OGFOD3: variants seen among roughly 807,000 people sequenced by gnomAD.
OGFOD3 encodes 2-oxoglutarate and iron dependent oxygenase domain containing 3.
In OGFOD3, 35 loss-of-function variants were observed where a neutral mutation model predicts 39.8. That is an observed-to-expected ratio of 0.88 (90% CI 0.67 to 1.17). The LOEUF is 1.17. Among genes scored for constraint, OGFOD3 ranks in the 50% most tolerant of loss-of-function variants. The pLI is 0.00. For missense variants in OGFOD3, 438 were observed against 454.5 expected, an observed-to-expected ratio of 0.96 and a Z score of 0.33; for synonymous variants, 200 against 192.0, an observed-to-expected ratio of 1.04 and a Z score of -0.34.
chr17:82,411,456 T>A lies in OGFOD3; in HGVS notation c.379A>T (p.Ser127Cys). 1 of 1,613,900 alleles carries A rather than the reference T, an allele frequency of 6.2e-7. No individual in the cohort carries two copies. Among genetic ancestry groups the A allele is most frequent in the Non-Finnish European group, 8.5e-7 (1 of 1,179,800 alleles). Residue 127 changes from serine to cysteine, a missense_variant and splice_region_variant, in exon 3 of 9, where the codon AGC becomes TGC. By Grantham distance (112) the Ser-to-Cys change is moderately radical (BLOSUM62 -1). Coordinates refer to ENST00000313056, the MANE Select transcript of OGFOD3 (RefSeq NM_024648.3). ...ITREEAERIR[S>C]VAEKGLSLGG... Reference sequence around the variant, plus strand: ...CCGTGCTCAGGGACAGGCGGTTACCTGCGAATCCGCTCCGCTTCCTCCCTG... The same window carrying A: ...CCGTGCTCAGGGACAGGCGGTTACCAGCGAATCCGCTCCGCTTCCTCCCTG...
intron 8 of OGFOD3, among the ~76,000 whole-genome samples, chr17:82,395,387 T>C (rs944597221): frequency 1.3e-5 from 2 of 152,184 alleles, no homozygotes; most frequent in African/African-American, 2.4e-5. Context: ...GCCAAGGGTA[T>C]AATGGCTTTG....
At chr17:82,403,816 C>A (rs2052805099) in intron 7 of OGFOD3, 121 bp downstream of exon 7, 2 of 1,383,422 alleles carry the variant, frequency 1.4e-6, no homozygotes, top group Non-Finnish European at 9.9e-7. Flanking sequence ...CTCACCCTGC[C>A]CACGGGCACG....
chr17:82,393,095 G>A (rs1039126377), intron 8 of OGFOD3: 2 of 152,976 alleles, frequency 1.3e-5, no homozygotes, highest in Non-Finnish European at 2.9e-5. Flanking sequence ...GGCCTGAGAG[G>A]TCCTGGAGGC....
At position 82,415,768 on chromosome 17, in the gene OGFOD3, A is replaced by G; in HGVS notation, c.75-141T>C. 1.4e-6 allele frequency: 1 copy of G among 690,316 alleles called. No individual in the cohort carries two copies. The highest frequency in any genetic ancestry group is 2.4e-6 in the Non-Finnish European group (1 of 418,568). 42.8% of individuals were successfully genotyped at this position (690,316 alleles called of 1,614,324 possible). ...AAACGAGGGCTTCCTGCCTGGGGCCAGCGCTGTCCACTCAGGAAACACGGA... is the reference window on the plus strand; with the variant it reads ...AAACGAGGGCTTCCTGCCTGGGGCCGGCGCTGTCCACTCAGGAAACACGGA... On this transcript the variant is annotated intron_variant, in intron 1 of 8. Coordinates refer to ENST00000313056, the MANE Select transcript of OGFOD3 (RefSeq NM_024648.3). The surrounding 1 kb of genome is among the most constrained non-coding windows in gnomAD (Gnocchi z 5.3).
intron 1 of OGFOD3, 52 bp downstream of exon 1, chr17:82,418,360 C>G (rs2053121737): frequency 1.6e-6 from 2 of 1,275,786 alleles, no homozygotes; most frequent in African/African-American, 1.6e-5. Context: ...CCCGCCCACT[C>G]CATGGCCCTG....
intron 2 of OGFOD3, 50 bp from the exon 3 acceptor site, chr17:82,411,580 A>G: frequency 6.6e-7 from 1 of 1,507,170 alleles, no homozygotes; most frequent in Admixed American, 1.7e-5. Context: ...CCACCGGCGC[A>G]TGCCCTTCCA....
chr17:82,401,632 C>T (rs527809254), intron 7 of OGFOD3, among the ~76,000 whole-genome samples: 18 of 150,212 alleles, frequency 1.2e-4, no homozygotes, highest in African/African-American at 3.9e-4. Flanking sequence ...GGTGAAACCC[C>T]GTCTCTACTA....
Position 82,404,147 on chromosome 17 carries a change from G to A in OGFOD3, c.546-57C>T. ...CCCAGGCGGGAGGGGACGCTCGTGG[G>A]TCCCAACCCGTGGGTGGCAGGAAAG... On this transcript the variant is annotated intron_variant, in intron 6 of 8. Coordinates refer to ENST00000313056, the MANE Select transcript of OGFOD3 (RefSeq NM_024648.3). This position sits in a 1 kb window ranked among gnomAD's most constrained non-coding sequence, Gnocchi z 4.5. The A allele has an allele frequency of 2.0e-6, 3 of 1,486,900 alleles. No homozygotes were observed. The highest frequency in any genetic ancestry group is 2.7e-5 in the South Asian group (2 of 73,996). The allele number at this position is 1,486,900 out of a possible 1,614,324, so 92.1% of individuals were successfully genotyped here. A position where few individuals can be genotyped will look rare whatever the true frequency, so the allele number is the denominator to read the frequency against.
At chr17:82,413,808 G>A (rs1217670229) in intron 2 of OGFOD3, among the ~76,000 whole-genome samples, 15 of 151,090 alleles carry the variant, frequency 9.9e-5, no homozygotes, top group Middle Eastern at 3.4e-3. Flanking sequence ...GAGGCCTGGC[G>A]GAGGTTGCAG....
rs11653167 is a variant in OGFOD3, at chr17:82,396,218, G to A, written c.823+1978C>T. Among the ~76,000 whole-genome samples the A allele has an allele frequency of 9.5e-4, 123 of 129,754 alleles. 1 individual carries two copies. Among genetic ancestry groups the A allele is most frequent in the African/African-American group, 3.3e-3 (108 of 33,208 alleles). 85.1% of individuals were successfully genotyped at this position (129,754 alleles called of 152,430 possible). A position where few individuals can be genotyped will look rare whatever the true frequency, so the allele number is the denominator to read the frequency against. On this transcript the variant is annotated intron_variant, in intron 8 of 8. Coordinates refer to ENST00000313056, the MANE Select transcript of OGFOD3 (RefSeq NM_024648.3). The stretch of plus-strand genomic sequence containing the variant: ...TTAGACAGATGTACGACATCAAATC[G>A]CAGGTAAACACATAGATACACACAA...
At chr17:82,402,440 AAAAG>A (rs545909421) in intron 7 of OGFOD3, among the ~76,000 whole-genome samples, 20 of 151,230 alleles carry the variant, frequency 1.3e-4, no homozygotes, top group South Asian at 4.2e-4. Flanking sequence ...CTCAAAAAAA[AAAAG>A]AAAGAAAGAA....
chr17:82,406,429 C>T lies in OGFOD3; in HGVS notation c.477G>A (p.Val159=). ...GCTGCAGCACTCACCTGTACAGGTT[C>T]ACAAAGTGCTTCCCGACAGACAGGG... The part of the protein sequence containing the change: ...SGALSVGKHF[V]NLYRYFGDKI... The change falls in exon 5 of 9, where the codon GTG becomes GTA. Residue 159 remains valine (V), a synonymous_variant. Coordinates refer to ENST00000313056, the MANE Select transcript of OGFOD3 (RefSeq NM_024648.3). The surrounding 1 kb of genome is among the most constrained non-coding windows in gnomAD (Gnocchi z 5.2). The T allele has an allele frequency of 6.2e-7, 1 of 1,614,094 alleles. No homozygotes were observed. The highest frequency in any genetic ancestry group is 1.1e-5 in the South Asian group (1 of 91,080).
At position 82,415,702 on chromosome 17, in the gene OGFOD3, G is replaced by A; in HGVS notation, c.75-75C>T. 1.5e-6 allele frequency: 2 copies of A among 1,309,906 alleles called. No individual in the cohort carries two copies. The highest frequency in any genetic ancestry group is 2.1e-6 in the Non-Finnish European group (2 of 952,092). The allele number at this position is 1,309,906 out of a possible 1,614,324, so 81.1% of individuals were successfully genotyped here. Reference sequence around the variant, plus strand: ...GAAAACGCTCCCCGATCATCAAAGTGCATGCACCATGACCCGGCCTTCACT... The same window carrying A: ...GAAAACGCTCCCCGATCATCAAAGTACATGCACCATGACCCGGCCTTCACT... On this transcript the variant is annotated intron_variant, in intron 1 of 8. Transcript: ENST00000313056. The surrounding 1 kb of genome is among the most constrained non-coding windows in gnomAD (Gnocchi z 5.3).
At position 82,394,470 on chromosome 17, in the gene OGFOD3, A is replaced by T. The variant is rs556995033; in HGVS notation, c.824-1936T>A. 3.0e-5 allele frequency: 49 copies of T among 1,613,950 alleles called. No individual in the cohort carries two copies. The African/African-American group carries it at 5.7e-4, about 19-fold the overall frequency. ...GAGGACACCTGACTCCAGCCTTCGC[A>T]CCAGCAGCTTCACTGGCTCTCGGTC... On this transcript the variant is annotated intron_variant, in intron 8 of 8. Transcript: ENST00000313056.
At chr17:82,412,669 G>T (rs1237324436) in intron 2 of OGFOD3, among the ~76,000 whole-genome samples, 2 of 152,080 alleles carry the variant, frequency 1.3e-5, no homozygotes, top group Non-Finnish European at 2.9e-5. Context: ...TCGCACAGAT[G>T]CACAAGGTAC....
intron 6 of OGFOD3, 102 bp downstream of exon 6, chr17:82,405,222 T>TGGGCCTCTCCGTG (rs2052836185): frequency 4.0e-6 from 4 of 1,002,368 alleles, no homozygotes; most frequent in Admixed American, 3.8e-5. Context: ...CCCTGGCCCC[T>TGGGCCTCTCCGTG]GGGCCTCTCC....
In OGFOD3 at chr17:82,409,454, T is replaced by TA. The variant is rs1423001413; in HGVS notation, c.381-45dup. The TA allele has an allele frequency of 3.8e-6, 6 of 1,580,506 alleles. No homozygotes were observed. The South Asian group carries it at 6.6e-5, about 17-fold the overall frequency. On this transcript the variant is annotated intron_variant, in intron 3 of 8. Coordinates refer to ENST00000313056, the MANE Select transcript of OGFOD3 (RefSeq NM_024648.3). The stretch of plus-strand genomic sequence containing the variant: ...TCAGAATTTCGTTGCTAGAATTGTC[T>TA]ATAATGTATAATCTAGGCAAACGTC...
intron 2 of OGFOD3, among the ~76,000 whole-genome samples, chr17:82,412,657 C>T (rs1599703845): frequency 6.6e-6 from 1 of 152,036 alleles, no homozygotes; most frequent in South Asian, 2.1e-4. Flanking sequence ...GTCGAGGCAG[C>T]ATCGCACAGA....
Position 82,389,499 on chromosome 17 carries a change from G to A in OGFOD3, c.*2899C>T, listed in dbSNP as rs2052577482. ...CCTTTTTATTTTTTTAAAATGCCCA[G>A]GCTTCAATGATAAATTTTTTTTTGA... On this transcript the variant is annotated 3_prime_UTR_variant, in exon 9 of 9. Transcript: ENST00000313056. The surrounding 1 kb of genome is among the most constrained non-coding windows in gnomAD (Gnocchi z 4.6). The A allele has an allele frequency of 1.3e-5, 2 of 152,100 alleles. No homozygotes were observed. Among genetic ancestry groups the A allele is most frequent in the South Asian group, 4.1e-4 (2 of 4,828 alleles). 9.4% of individuals were successfully genotyped at this position (152,100 alleles called of 1,614,324 possible). A position where few individuals can be genotyped will look rare whatever the true frequency, so the allele number is the denominator to read the frequency against.
Sources: gnomAD v4.1 joint callset for allele counts (sites outside exome capture counted in the v4.1 genomes callset) on GRCh38, gnomAD v4.1.1 for gene constraint, Gnocchi (gnomAD v3.1) non-coding constraint, MANE v1.5 for transcripts, NCBI Gene and HGNC (gene_info 2026-07-23, HGNC 2026-07-21) for gene names.